Variants in SUN3 observed in about 807,000 individuals in gnomAD.
SUN3 encodes SUN domain-containing protein 3.
Under a neutral mutation model 48.2 loss-of-function variants are expected in SUN3, and 36 were observed. The ratio of observed to expected loss-of-function variants is 0.75; its 90% CI spans 0.57 to 0.99. The LOEUF is 0.99. SUN3 is among the 50% of genes least tolerant of loss of function. SUN3 has a pLI of 0.00. For synonymous variants in SUN3, 148 were observed against 147.9 expected (o/e 1.00, Z 0.00); for missense variants, 419 against 433.1 (o/e 0.97, Z 0.29).
intron 2 of SUN3, among the ~76,000 whole-genome samples, chr7:48,017,916 A>G (rs943439990): frequency 3.3e-5 from 5 of 152,236 alleles, no homozygotes; most frequent in Admixed American, 6.5e-5. Context: ...CCGAAGCCCA[A>G]CTGGGACAAA....
intron 3 of SUN3, among the ~76,000 whole-genome samples, chr7:48,015,331 G>T (rs1789782443): frequency 6.6e-6 from 1 of 152,108 alleles, no homozygotes. Context: ...CTAAGACTGG[G>T]GTCTCACAGA....
At chr7:48,012,707 T>TC (rs1229063428) in intron 3 of SUN3, among the ~76,000 whole-genome samples, 1 of 152,222 alleles carries the variant, frequency 6.6e-6, no homozygotes, top group East Asian at 1.9e-4. Context: ...GGTCTTGAAC[T>TC]CACAACTGTG....
intron 3 of SUN3, among the ~76,000 whole-genome samples, chr7:48,015,958 C>T (rs1050816292): frequency 2.0e-5 from 3 of 152,188 alleles, no homozygotes; most frequent in African/African-American, 7.2e-5. Flanking sequence ...TTAGGACTAA[C>T]AAATTAGCTA....
chr7:48,028,847 A>G lies in SUN3; in HGVS notation c.92T>C (p.Leu31Ser). The G allele has an allele frequency of 6.2e-7, 1 of 1,613,922 alleles. No individual in the cohort carries two copies. Among genetic ancestry groups the G allele is most frequent in the Non-Finnish European group, 8.5e-7 (1 of 1,179,850 alleles). ...ASGSASGNAL[L>S]SEDENPDANG... ...CGCATCAGGATTTTCGTCCTCTGAT[A>G]ACAAAGCATTGCCACTGGCGCTACC... is the stretch of plus-strand genomic sequence containing the variant. Residue 31 changes from leucine (L) to serine (S), a missense_variant, in exon 1 of 10, where the codon TTA becomes TCA. Physicochemically the swap from Leu to Ser is moderately radical, Grantham distance 145. Transcript: ENST00000297325.
At chr7:48,018,063 C>T (rs772366291) in intron 2 of SUN3, among the ~76,000 whole-genome samples, 2 of 152,182 alleles carry the variant, frequency 1.3e-5, no homozygotes, top group Non-Finnish European at 2.9e-5. Flanking sequence ...ATTTCTAGGA[C>T]TGGACGCATG....
In SUN3 at chr7:48,001,531, GT is replaced by G. The variant is rs1166666161; in HGVS notation, c.577+4437del. Among the ~76,000 whole-genome samples, 783 of 110,446 alleles carry G rather than the reference GT, an allele frequency of 7.1e-3. 3 individuals are homozygous for G. The highest frequency in any genetic ancestry group is 0.021 in the African/African-American group (568 of 27,510). 72.5% of individuals were successfully genotyped at this position (110,446 alleles called of 152,430 possible). On this transcript the variant is annotated intron_variant, in intron 6 of 9. Transcript: ENST00000297325. Reference sequence around the variant, plus strand: ...GTTCCATGTCTTTTCTGTTTTTTTTGTTTTTTTTTTTTTTTTTTTTGAGACA... The same window carrying G: ...GTTCCATGTCTTTTCTGTTTTTTTTGTTTTTTTTTTTTTTTTTTTGAGACA...
chr7:48,022,563 T>C (rs1448721715), intron 2 of SUN3, among the ~76,000 whole-genome samples: 1 of 151,828 alleles, frequency 6.6e-6, no homozygotes. Context: ...CACAAAAAAT[T>C]AAAAAATTTT....
At chr7:48,023,029 G>A (rs1013630018) in intron 2 of SUN3, among the ~76,000 whole-genome samples, 1 of 152,104 alleles carries the variant, frequency 6.6e-6, no homozygotes, top group Non-Finnish European at 1.5e-5. Context: ...AGGCTGCAGT[G>A]AAAGGACATT....
intron 2 of SUN3, among the ~76,000 whole-genome samples, chr7:48,023,740 A>G (rs1369168634): frequency 6.6e-6 from 1 of 152,210 alleles, no homozygotes; most frequent in East Asian, 1.9e-4. Context: ...GAAAGAAATT[A>G]AAGAAGACCT....
rs537944642 is a variant in SUN3, at chr7:48,007,320, T to C, written c.337A>G (p.Ser113Gly). Residue 113 changes from serine (S) to glycine (G), a missense_variant, in exon 5 of 10, where the codon AGC (serine) becomes GGC (glycine). Coordinates refer to ENST00000297325, the MANE Select transcript of SUN3 (RefSeq NM_001030019.2). ...KEQLELLKKE[S>G]QNLENNFRQI... ...CGAAAATTGTTTTCCAGATTCTGGC[T>C]TTCCTTCCTGTAAAGGGAAAATCTC... The C allele has an allele frequency of 1.4e-4, 227 of 1,613,398 alleles. 6 individuals carry two copies. In the Admixed American group the frequency reaches 3.4e-3, roughly 24 times the overall value.
At chr7:47,994,547 C>T in intron 7 of SUN3, 65 bp from the exon 8 acceptor site, 2 of 1,472,866 alleles carry the variant, frequency 1.4e-6, no homozygotes, top group South Asian at 1.4e-5. Context: ...CAATACTGGT[C>T]AGCTAATCAC....
chr7:48,020,389 C>T (rs1031291275), intron 2 of SUN3, among the ~76,000 whole-genome samples: 1 of 152,186 alleles, frequency 6.6e-6, no homozygotes, highest in African/African-American at 2.4e-5. Flanking sequence ...GAAAGCCTTT[C>T]CTCAAAGACC....
chr7:47,998,399 T>A (rs992808843), intron 6 of SUN3, among the ~76,000 whole-genome samples: 3 of 152,192 alleles, frequency 2.0e-5, no homozygotes, highest in African/African-American at 7.2e-5. Context: ...CTTTTGCCTA[T>A]TTTTTATCTG....
At chr7:48,015,170 C>T (rs113131156) in intron 3 of SUN3, among the ~76,000 whole-genome samples, 1,744 of 152,316 alleles carry the variant, frequency 0.011, 19 homozygotes, top group Non-Finnish European at 0.018. Context: ...GACCACTCTG[C>T]GTGCTCATCT....
At chr7:47,995,132 G>A (rs1287100771) in intron 7 of SUN3, among the ~76,000 whole-genome samples, 2 of 151,924 alleles carry the variant, frequency 1.3e-5, no homozygotes, top group African/African-American at 4.8e-5. Flanking sequence ...GGTGATGAAG[G>A]TAGTGGTGGT....
At chr7:47,989,310 T>A (rs1788988365) in intron 8 of SUN3, among the ~76,000 whole-genome samples, 1 of 152,228 alleles carries the variant, frequency 6.6e-6, no homozygotes, top group Non-Finnish European at 1.5e-5. Context: ...GAACTGATGT[T>A]TACCAAAATG....
intron 2 of SUN3, 40 bp downstream of exon 2, chr7:48,025,837 T>C (rs777469704): frequency 7.4e-7 from 1 of 1,357,130 alleles, no homozygotes; most frequent in African/African-American, 1.4e-5. Context: ...AGACATAACC[T>C]GTGGAATGGT....
chr7:47,992,008 C>T (rs1789078740), intron 8 of SUN3, among the ~76,000 whole-genome samples: 1 of 152,184 alleles, frequency 6.6e-6, no homozygotes, highest in Admixed American at 6.5e-5. Context: ...CCCCGCGGCC[C>T]TCCTCTCCCC....
chr7:48,024,549 A>T (rs1331841524), intron 2 of SUN3, among the ~76,000 whole-genome samples: 1 of 152,200 alleles, frequency 6.6e-6, no homozygotes, highest in African/African-American at 2.4e-5. Flanking sequence ...TTCTTGTTTT[A>T]ATCCATTTGT....
Sources: gnomAD v4.1 joint callset for allele counts (sites outside exome capture counted in the v4.1 genomes callset) on GRCh38, gnomAD v4.1.1 for gene constraint, MANE v1.5 for transcripts, NCBI Gene and HGNC (gene_info 2026-07-23, HGNC 2026-07-21) for gene names.